Variants in STAT5B observed in about 807,000 individuals in gnomAD.
STAT5B encodes signal transducer and activator of transcription 5B.
Under a neutral mutation model 107.8 loss-of-function variants are expected in STAT5B, and 21 were observed. That is an observed-to-expected ratio of 0.19 (90% CI 0.14 to 0.28). The LOEUF (loss-of-function observed/expected upper bound fraction) is 0.28. Ranked by LOEUF, STAT5B falls within the 10% of genes least tolerant of loss-of-function variation. The probability of loss-of-function intolerance (pLI) is 1.00; values close to 1 mark genes in which losing one functional copy is unlikely to be tolerated. For synonymous variants in STAT5B, 325 were observed against 401.7 expected, an observed-to-expected ratio of 0.81 and a Z score of 2.28; for missense variants, 565 against 1,008.2, an observed-to-expected ratio of 0.56 and a Z score of 5.95.
chr17:42,211,493 C>T (rs920966079), intron 13 of STAT5B, among the ~76,000 whole-genome samples: 10 of 151,068 alleles, frequency 6.6e-5, no homozygotes, highest in African/African-American at 2.0e-4. Context: ...GCAACAAGAG[C>T]GAAACTCTGT....
chr17:42,246,562 A>C (rs1174452596), intron 1 of STAT5B, among the ~76,000 whole-genome samples: 2 of 152,164 alleles, frequency 1.3e-5, no homozygotes, highest in African/African-American at 4.8e-5. Flanking sequence ...TGACTAAGCA[A>C]ACTTGTACCA....
intron 2 of STAT5B, 34 bp downstream of exon 2, chr17:42,231,966 A>C (rs1409612582): frequency 2.5e-6 from 4 of 1,612,892 alleles, no homozygotes; most frequent in Middle Eastern, 3.3e-4. Context: ...CTTGTGTTTC[A>C]CAAAATATGA....
chr17:42,222,168 G>GGT (rs914732734), intron 5 of STAT5B, among the ~76,000 whole-genome samples: 10 of 147,150 alleles, frequency 6.8e-5, no homozygotes, highest in Admixed American at 4.1e-4. Context: ...TGATGTGTGT[G>GGT]GTGTGTGTGT....
At chr17:42,217,073 A>G in intron 11 of STAT5B, 87 bp downstream of exon 11, 1 of 1,546,590 alleles carries the variant, frequency 6.5e-7, no homozygotes, top group Admixed American at 2.0e-5. Context: ...AGAAGATGCT[A>G]TGTGATAAAA....
intron 1 of STAT5B, among the ~76,000 whole-genome samples, chr17:42,236,703 C>T (rs2144311734): frequency 6.6e-6 from 1 of 152,302 alleles, no homozygotes; most frequent in South Asian, 2.1e-4. Flanking sequence ...TCCCAAAGTG[C>T]TGGGATTACA....
At chr17:42,272,811 G>C (rs999750883) in intron 1 of STAT5B, 2 of 152,028 alleles carry the variant, frequency 1.3e-5, no homozygotes, top group Admixed American at 6.5e-5. Flanking sequence ...GGAAGTGATG[G>C]GTGTGACCCA....
At position 42,212,149 on chromosome 17, in the gene STAT5B, T is replaced by C. The variant is rs769636293; in HGVS notation, c.1515A>G (p.Pro505=). Residue 505 remains proline, a synonymous_variant, in exon 13 of 19, where the codon CCA becomes CCG. Transcript: ENST00000293328. ...PFAVPDKVLW[P]QLCEALNMKF... is the part of the protein sequence containing the mutation. ...TCATGTTGAGCGCCTCACACAGCTGTGGCCACAGCACTTTGTCAGGCACGG... is the reference window on the plus strand; with the variant it reads ...TCATGTTGAGCGCCTCACACAGCTGCGGCCACAGCACTTTGTCAGGCACGG... 19 of 1,614,002 alleles carry C rather than the reference T, an allele frequency of 1.2e-5. No homozygotes were observed. Among genetic ancestry groups the C allele is most frequent in the South Asian group, 8.8e-5 (8 of 91,088 alleles).
chr17:42,233,548 T>C (rs1228119099), intron 1 of STAT5B, among the ~76,000 whole-genome samples: 3 of 151,868 alleles, frequency 2.0e-5, no homozygotes, highest in South Asian at 2.1e-4. Context: ...TGGAGTGCCG[T>C]GACGCGATCT....
chr17:42,227,249 G>T (rs899547220), intron 3 of STAT5B, among the ~76,000 whole-genome samples: 11 of 151,602 alleles, frequency 7.3e-5, no homozygotes, highest in Non-Finnish European at 1.0e-4. Context: ...AAAAACGTGT[G>T]TGTCGAGAGA....
chr17:42,202,861 G>A (rs2080056731), intron 16 of STAT5B, 53 bp from the exon 17 acceptor site: 1 of 1,606,948 alleles, frequency 6.2e-7, no homozygotes, highest in Non-Finnish European at 8.5e-7. Flanking sequence ...ACAAAAATGT[G>A]ATCTTCCTTA....
chr17:42,216,883 T>G (rs1343253686), intron 11 of STAT5B, among the ~76,000 whole-genome samples: 1 of 151,404 alleles, frequency 6.6e-6, no homozygotes, highest in East Asian at 1.9e-4. Flanking sequence ...TTCACTGTGT[T>G]AGCCAGGCTG....
intron 1 of STAT5B, chr17:42,235,267 A>G (rs1298942224): frequency 6.6e-6 from 1 of 152,228 alleles, no homozygotes; most frequent in Non-Finnish European, 1.5e-5. Context: ...TGAAATCACC[A>G]TGAACACAAT....
chr17:42,247,642 A>G (rs2080462768), intron 1 of STAT5B, among the ~76,000 whole-genome samples: 1 of 152,110 alleles, frequency 6.6e-6, no homozygotes, highest in South Asian at 2.1e-4. Context: ...AACGAGTAGC[A>G]GGTTTGTTAA....
intron 1 of STAT5B, among the ~76,000 whole-genome samples, chr17:42,252,111 T>C (rs1395562526): frequency 1.3e-5 from 2 of 152,176 alleles, no homozygotes; most frequent in South Asian, 2.1e-4. Flanking sequence ...CTCCAAGCTA[T>C]GCCATCAAGA....
intron 1 of STAT5B, among the ~76,000 whole-genome samples, chr17:42,262,966 GTGTGTATATA>G (rs1365760040): frequency 2.6e-3 from 101 of 38,716 alleles, no homozygotes; most frequent in African/African-American, 9.4e-3. Flanking sequence ...GTGTGTGTGT[GTGTGTATATA>G]TATATATATA....
intron 1 of STAT5B, among the ~76,000 whole-genome samples, chr17:42,258,855 A>AG (rs1051511720): frequency 1.8e-4 from 27 of 152,310 alleles, no homozygotes; most frequent in African/African-American, 6.5e-4. Flanking sequence ...CACCTCACCT[A>AG]GGGGGAACTA....
chr17:42,279,317 G>A (rs974432329), upstream of STAT5B, among the ~76,000 whole-genome samples: 7 of 152,104 alleles, frequency 4.6e-5, no homozygotes, highest in African/African-American at 9.7e-5. Context: ...CTACCTCATC[G>A]GGTTGCGGGA....
At chr17:42,217,676 G>C in intron 9 of STAT5B, 1 of 583,466 alleles carries the variant, frequency 1.7e-6, no homozygotes, top group Non-Finnish European at 3.0e-6. Flanking sequence ...ACAGAAAACA[G>C]TTCCTAAGAG....
chr17:42,267,270 G>A (rs2144417538), intron 1 of STAT5B, among the ~76,000 whole-genome samples: 1 of 152,098 alleles, frequency 6.6e-6, no homozygotes, highest in East Asian at 1.9e-4. Flanking sequence ...TTATTTTAGA[G>A]TGTACTCCTT....
Sources: allele counts gnomAD v4.1 joint callset (sites outside exome capture counted in the v4.1 genomes callset), GRCh38; gene constraint gnomAD v4.1.1; transcripts MANE v1.5; gene names NCBI Gene and HGNC (gene_info 2026-07-23, HGNC 2026-07-21).